Variants in BMPR1B observed in about 807,000 individuals in gnomAD.
The protein encoded by BMPR1B is bone morphogenetic protein receptor type 1B, also known as bone morphogenetic protein receptor type-1B.
A neutral mutation model predicts 59.1 loss-of-function variants in BMPR1B; 12 were observed. The observed-to-expected ratio is 0.20, with a 90% CI of 0.13 to 0.33. The LOEUF (loss-of-function observed/expected upper bound fraction) is 0.33, where lower values mean the gene tolerates loss of function less well. BMPR1B is among the 10% of genes least tolerant of loss of function. The pLI is 1.00. For synonymous variants in BMPR1B, 237 were observed against 207.3 expected (o/e 1.14, Z -1.23); for missense variants, 550 against 610.9 (o/e 0.90, Z 1.05).
chr4:94,772,632 A>G (rs929577977), intron 1 of BMPR1B, among the ~76,000 whole-genome samples: 1 of 152,222 alleles, frequency 6.6e-6, no homozygotes, highest in Non-Finnish European at 1.5e-5. Context: ...AAGATATAGT[A>G]TAATTTGTAA....
At chr4:95,104,818 C>T (rs1015297755) in intron 4 of BMPR1B, among the ~76,000 whole-genome samples, 1 of 152,036 alleles carries the variant, frequency 6.6e-6, no homozygotes, top group African/African-American at 2.4e-5. Flanking sequence ...ATCCCAGGCT[C>T]CTGGTAAAGG....
intron 3 of BMPR1B, among the ~76,000 whole-genome samples, chr4:95,015,930 A>G (rs1027762113): frequency 1.3e-5 from 2 of 152,110 alleles, no homozygotes; most frequent in Non-Finnish European, 2.9e-5. Context: ...TGACCTTATG[A>G]TCCGCCCGCC....
intron 3 of BMPR1B, among the ~76,000 whole-genome samples, chr4:95,003,305 T>A (rs1214662303): frequency 6.6e-6 from 1 of 152,198 alleles, no homozygotes; most frequent in Non-Finnish European, 1.5e-5. Context: ...TCCCCCTTTC[T>A]CACTTTTTTT....
intron 1 of BMPR1B, among the ~76,000 whole-genome samples, chr4:94,823,577 C>T (rs1724280032): frequency 6.6e-6 from 1 of 152,100 alleles, no homozygotes; most frequent in East Asian, 1.9e-4. Flanking sequence ...ACCAGGATTG[C>T]ATACTAAGCC....
chr4:95,095,044 A>T (rs781577442), intron 3 of BMPR1B, among the ~76,000 whole-genome samples: 48 of 151,842 alleles, frequency 3.2e-4, no homozygotes, highest in Non-Finnish European at 6.0e-4. Flanking sequence ...ATATATATAT[A>T]ATTTTTTTTT....
At chr4:95,128,673 T>C (rs1374492089) in intron 8 of BMPR1B, among the ~76,000 whole-genome samples, 1 of 152,214 alleles carries the variant, frequency 6.6e-6, no homozygotes, top group Non-Finnish European at 1.5e-5. Flanking sequence ...TTAACTTTTC[T>C]CTCTAATATG....
chr4:94,999,865 A>G (rs1490659940), intron 3 of BMPR1B, among the ~76,000 whole-genome samples: 2 of 152,220 alleles, frequency 1.3e-5, no homozygotes, highest in Non-Finnish European at 1.5e-5. Context: ...CTGAAAGGTG[A>G]TATTCCATTT....
chr4:94,818,863 G>A (rs1031816474), intron 1 of BMPR1B, among the ~76,000 whole-genome samples: 7 of 152,138 alleles, frequency 4.6e-5, no homozygotes, highest in African/African-American at 1.7e-4. Flanking sequence ...TAGGTGTGAT[G>A]GCTCATGCCT....
At chr4:95,090,133 G>C (rs2149247270) in intron 3 of BMPR1B, among the ~76,000 whole-genome samples, 1 of 151,984 alleles carries the variant, frequency 6.6e-6, no homozygotes, top group South Asian at 2.1e-4. Flanking sequence ...AGGAATTTTT[G>C]TTGACCCTAT....
chr4:94,919,257 G>C (rs1728600537), intron 2 of BMPR1B, among the ~76,000 whole-genome samples: 1 of 152,148 alleles, frequency 6.6e-6, no homozygotes, highest in Non-Finnish European at 1.5e-5. Flanking sequence ...TTTCCACGAT[G>C]CATTATATTC....
chr4:94,957,588 G>T (rs374112971), intron 2 of BMPR1B, among the ~76,000 whole-genome samples: 1 of 150,506 alleles, frequency 6.6e-6, no homozygotes, highest in African/African-American at 2.4e-5. Context: ...ATTTTTCTTC[G>T]ACTGGCCCAC....
At chr4:94,768,141 A>G (rs1387161888) in intron 1 of BMPR1B, among the ~76,000 whole-genome samples, 1 of 152,088 alleles carries the variant, frequency 6.6e-6, no homozygotes, top group Non-Finnish European at 1.5e-5. Context: ...GATTTTGTGT[A>G]TATTCTAATT....
chr4:94,792,528 T>C (rs2510543), intron 1 of BMPR1B, among the ~76,000 whole-genome samples: 35,752 of 152,030 alleles, frequency 0.24, 4,557 homozygotes, highest in Middle Eastern at 0.43. Flanking sequence ...GTACTTTGAT[T>C]GCTTGAAAAA....
chr4:95,015,510 C>T (rs994832359), intron 3 of BMPR1B, among the ~76,000 whole-genome samples: 1 of 152,104 alleles, frequency 6.6e-6, no homozygotes, highest in African/African-American at 2.4e-5. Flanking sequence ...CTCAGTCTCC[C>T]AAGTAGCTGT....
At chr4:94,897,654 T>A (rs1194145005) in intron 2 of BMPR1B, among the ~76,000 whole-genome samples, 1 of 152,050 alleles carries the variant, frequency 6.6e-6, no homozygotes, top group Non-Finnish European at 1.5e-5. Context: ...ACATAAGGGT[T>A]TTTTTGTTTT....
At chr4:95,054,124 G>C (rs116306322) in intron 3 of BMPR1B, among the ~76,000 whole-genome samples, 4,185 of 152,286 alleles carry the variant, frequency 0.027, 81 homozygotes, top group Non-Finnish European at 0.042. Context: ...TTTGGAGAAT[G>C]TGAGCATCAG....
chr4:95,147,897 G>A (rs968168516), intron 10 of BMPR1B, among the ~76,000 whole-genome samples: 2 of 152,176 alleles, frequency 1.3e-5, no homozygotes, highest in South Asian at 2.1e-4. Context: ...TCGCACTGAA[G>A]CAATGGTTCC....
chr4:94,976,261 C>T (rs1731029759), intron 2 of BMPR1B, among the ~76,000 whole-genome samples: 1 of 152,186 alleles, frequency 6.6e-6, no homozygotes, highest in Non-Finnish European at 1.5e-5. Context: ...TACTGTATTA[C>T]AGTGAGCAAG....
At chr4:95,151,257 A>T (rs1735020130) in intron 11 of BMPR1B, among the ~76,000 whole-genome samples, 2 of 152,220 alleles carry the variant, frequency 1.3e-5, no homozygotes, top group Non-Finnish European at 1.5e-5. Flanking sequence ...GATTTGAGTA[A>T]TTCATAATTT....
Sources: gnomAD v4.1 joint callset for allele counts (sites outside exome capture counted in the v4.1 genomes callset) on GRCh38, gnomAD v4.1.1 for gene constraint, MANE v1.5 for transcripts, NCBI Gene and HGNC (gene_info 2026-07-23, HGNC 2026-07-21) for gene names.